Variants in FKBP14 observed in about 807,000 individuals in gnomAD.
The protein encoded by FKBP14 is FKBP prolyl isomerase 14, also known as peptidyl-prolyl cis-trans isomerase FKBP14.
FKBP14 carries 20 observed loss-of-function variants against 21.6 expected under a neutral mutation model. The ratio of observed to expected loss-of-function variants is 0.92; its 90% confidence interval spans 0.65 to 1.34. The LOEUF (loss-of-function observed/expected upper bound fraction) is 1.34. Ranked by LOEUF, FKBP14 falls within the 40% of genes most tolerant of loss-of-function variation. FKBP14 has a pLI of 0.00. For missense variants in FKBP14, 253 were observed against 249.0 expected, an observed-to-expected ratio of 1.02 and a Z score of -0.11; for synonymous variants, 79 against 86.7, an observed-to-expected ratio of 0.91 and a Z score of 0.49.
At chr7:30,006,442 T>G (rs1187397654), downstream of FKBP14, among the ~76,000 whole-genome samples, 2 of 152,048 alleles carry the variant, frequency 1.3e-5, no homozygotes, top group African/African-American at 2.4e-5. Context: ...AGTCATTTTT[T>G]TTTTTTCTCC....
At chr7:30,017,788 G>C (rs1789929445) in intron 3 of FKBP14, among the ~76,000 whole-genome samples, 1 of 152,094 alleles carries the variant, frequency 6.6e-6, no homozygotes, top group Admixed American at 6.6e-5. Context: ...GCCGAGGTGG[G>C]CAGATCACGA....
rs1789758137 is a variant in FKBP14, at chr7:30,012,188, A to C, written c.*2547T>G. 6.6e-6 allele frequency: 1 copy of C among 152,262 alleles called. No individual in the cohort carries two copies. The highest frequency in any genetic ancestry group is 2.4e-5 in the African/African-American group (1 of 41,468). 9.4% of individuals were successfully genotyped at this position (152,262 alleles called of 1,614,324 possible). ...AGTTCATGTCTGATTATTCCCACTA[A>C]TAGAAGAGTACAAAGGTACAGTGAA... On this transcript the variant is annotated 3_prime_UTR_variant, in exon 4 of 4. Transcript: ENST00000222803.
intron 1 of FKBP14, chr7:30,025,678 T>G (rs775478834): frequency 2.0e-5 from 3 of 152,222 alleles, no homozygotes; most frequent in Non-Finnish European, 2.9e-5. Flanking sequence ...AGAACAGAAA[T>G]GATAGTGTAA....
intron 3 of FKBP14, among the ~76,000 whole-genome samples, chr7:30,016,720 A>G (rs1041935506): frequency 6.6e-6 from 1 of 152,134 alleles, no homozygotes; most frequent in African/African-American, 2.4e-5. Context: ...TCAGATATTT[A>G]AAAATATAAA....
intron 3 of FKBP14, 134 bp from the exon 4 acceptor site, chr7:30,015,027 A>G: frequency 2.1e-6 from 1 of 469,498 alleles, no homozygotes; most frequent in Non-Finnish European, 3.6e-6. Context: ...CAGCCATTTT[A>G]TGACATAGTT....
intron 1 of FKBP14, 137 bp downstream of exon 1, chr7:30,026,175 T>C (rs1331706831): frequency 1.2e-6 from 1 of 849,460 alleles, no homozygotes; most frequent in African/African-American, 1.7e-5. Flanking sequence ...ACAATTTCCT[T>C]TCCCAAAGAA....
chr7:30,010,278 CCAT>C (rs1789691054), downstream of FKBP14, among the ~76,000 whole-genome samples: 1 of 152,110 alleles, frequency 6.6e-6, no homozygotes, highest in African/African-American at 2.4e-5. Context: ...GTGATAATAA[CCAT>C]CACCCTCCCT....
chr7:30,009,378 G>A (rs1044362709), downstream of FKBP14, among the ~76,000 whole-genome samples: 4 of 151,660 alleles, frequency 2.6e-5, no homozygotes, highest in South Asian at 2.1e-4. Context: ...GATTACATGC[G>A]TGCACCACCA....
At chr7:30,024,459 G>A (rs995274870) in intron 1 of FKBP14, among the ~76,000 whole-genome samples, 4 of 152,166 alleles carry the variant, frequency 2.6e-5, no homozygotes, top group African/African-American at 4.8e-5. Context: ...GGAGTGCAGC[G>A]GCGCAATCTT....
In FKBP14 at chr7:30,014,780, C is replaced by G; in HGVS notation, c.591G>C (p.Gly197=). 1 of 1,610,568 alleles carries G rather than the reference C, an allele frequency of 6.2e-7. No individual in the cohort carries two copies. Among genetic ancestry groups the G allele is most frequent in the Non-Finnish European group, 8.5e-7 (1 of 1,178,858 alleles). The change falls in exon 4 of 4, where the codon GGG becomes GGC. Residue 197 remains glycine, a synonymous_variant. Transcript: ENST00000222803. ...ATGTAAATTCTCTGGCAGATATAAACCCATCTTTGTCTTCATCTTCTTTAT... is the reference window on the plus strand; with the variant it reads ...ATGTAAATTCTCTGGCAGATATAAAGCCATCTTTGTCTTCATCTTCTTTAT... The part of the protein sequence containing the change: ...IFDKEDEDKD[G]FISAREFTYK...
chr7:30,007,419 A>G (rs901292283), downstream of FKBP14, among the ~76,000 whole-genome samples: 1 of 152,074 alleles, frequency 6.6e-6, no homozygotes, highest in Non-Finnish European at 1.5e-5. Context: ...CATGTTGACC[A>G]GGATGGTCTC....
chr7:30,021,428 C>G (rs1790028527), intron 2 of FKBP14, among the ~76,000 whole-genome samples: 2 of 152,170 alleles, frequency 1.3e-5, no homozygotes, highest in South Asian at 4.1e-4. Flanking sequence ...CCACTTACGA[C>G]AGTTCCAATT....
downstream of FKBP14, among the ~76,000 whole-genome samples, chr7:30,010,422 T>A (rs983972811): frequency 6.6e-6 from 1 of 152,224 alleles, no homozygotes; most frequent in African/African-American, 2.4e-5. Context: ...CTTACAAATA[T>A]ACCTATACAG....
rs1790194495 is a variant in FKBP14 at position 30,026,691 on chromosome 7, A to T, written c.-183T>A. The T allele has an allele frequency of 2.7e-5, 15 of 546,562 alleles. No homozygotes were observed. In the South Asian group the frequency reaches 4.8e-4, roughly 17 times the overall value. The allele number at this position is 546,562 out of a possible 1,614,324, so 33.9% of individuals were successfully genotyped here. On this transcript the variant is annotated 5_prime_UTR_variant, in exon 1 of 4. Coordinates refer to ENST00000222803, the MANE Select transcript of FKBP14 (RefSeq NM_017946.4). ...TCTCAAGGGTCACGAACCTACCTTT[A>T]AAGAGTTAAGCCCAAATGCCGGCCT... is the stretch of plus-strand genomic sequence containing the variant.
At position 30,019,041 on chromosome 7, in the gene FKBP14, G is replaced by A. The variant is rs1789963298; in HGVS notation, c.432C>T (p.Phe144=). ...AGTCATCATTAAGATCCATTTCTTG[G>A]AATGATTCATGGGATCTTGGTCCAT... ...IRNGPRSHES[F]QEMDLNDDWK... The change falls in exon 3 of 4, where the codon TTC becomes TTT. Residue 144 remains phenylalanine (F), a synonymous_variant. Coordinates refer to ENST00000222803, the MANE Select transcript of FKBP14 (RefSeq NM_017946.4). The A allele has an allele frequency of 6.2e-7, 1 of 1,605,492 alleles. No individual in the cohort carries two copies. Among genetic ancestry groups the A allele is most frequent in the Non-Finnish European group, 8.5e-7 (1 of 1,177,220 alleles).
rs1273427323 is a variant in FKBP14, at chr7:30,013,716, TC to T, written c.*1018del. On this transcript the variant is annotated 3_prime_UTR_variant, in exon 4 of 4. Transcript: ENST00000222803. ...TAAATATTGAATATAAATATAACTT[TC>T]TACCTCATCTATAACATATTGATAC... The T allele has an allele frequency of 1.3e-5, 2 of 152,198 alleles. No homozygotes were observed. The highest frequency in any genetic ancestry group is 1.3e-4 in the Admixed American group (2 of 15,282). The allele number at this position is 152,198 out of a possible 1,614,324, so 9.4% of individuals were successfully genotyped here.
downstream of FKBP14, among the ~76,000 whole-genome samples, chr7:30,008,070 T>G (rs1229029507): frequency 6.6e-6 from 1 of 152,028 alleles, no homozygotes; most frequent in African/African-American, 2.4e-5. Context: ...AAACTGCAGA[T>G]TCACAGGCCC....
At chr7:30,016,033 A>G (rs564063695) in intron 3 of FKBP14, among the ~76,000 whole-genome samples, 5 of 151,990 alleles carry the variant, frequency 3.3e-5, no homozygotes, top group Admixed American at 2.0e-4. Flanking sequence ...CCTCAGCCTC[A>G]CACGTACCTG....
intron 3 of FKBP14, among the ~76,000 whole-genome samples, chr7:30,016,847 C>T (rs1443456242): frequency 6.6e-6 from 1 of 152,140 alleles, no homozygotes; most frequent in Non-Finnish European, 1.5e-5. Flanking sequence ...TCCTCTCTCC[C>T]CCAGCTTTCA....
Sources: gnomAD v4.1 joint callset for allele counts (sites outside exome capture counted in the v4.1 genomes callset) on GRCh38, gnomAD v4.1.1 for gene constraint, MANE v1.5 for transcripts, NCBI Gene and HGNC (gene_info 2026-07-23, HGNC 2026-07-21) for gene names.